The following WDR72 variants were observed in gnomAD, a reference collection of about 807,000 sequenced individuals.
WDR72 encodes WD repeat-containing protein 72.
In WDR72, 120 loss-of-function variants were observed where a neutral mutation model predicts 124.2. The observed-to-expected ratio is 0.97, with a 90% CI of 0.83 to 1.12. The LOEUF (loss-of-function observed/expected upper bound fraction) is 1.12. Among genes scored for constraint, WDR72 ranks in the 50% most tolerant of loss-of-function variants. WDR72 has a pLI of 0.00. For missense variants in WDR72, 1,387 were observed against 1,278.8 expected, an observed-to-expected ratio of 1.08 and a Z score of -1.29; for synonymous variants, 452 against 441.7, an observed-to-expected ratio of 1.02 and a Z score of -0.29.
intron 14 of WDR72, among the ~76,000 whole-genome samples, chr15:53,655,187 C>T (rs114175718): frequency 0.01 from 1,359 of 131,398 alleles, 32 homozygotes; most frequent in African/African-American, 0.038. Context: ...GCAAGGATCG[C>T]ACCACTTCAC....
At chr15:53,721,403 A>T (rs1247446114) in intron 3 of WDR72, among the ~76,000 whole-genome samples, 3 of 152,180 alleles carry the variant, frequency 2.0e-5, no homozygotes, top group Non-Finnish European at 4.4e-5. Context: ...CCCCAGAAAA[A>T]AATTCACCAT....
intron 3 of WDR72, among the ~76,000 whole-genome samples, chr15:53,721,751 T>G (rs910595276): frequency 2.0e-5 from 3 of 152,224 alleles, no homozygotes; most frequent in Non-Finnish European, 4.4e-5. Context: ...GAGGCTTATC[T>G]TGTTTCAACT....
upstream of WDR72, among the ~76,000 whole-genome samples, chr15:53,761,467 A>G (rs1393080964): frequency 6.6e-6 from 1 of 152,236 alleles, no homozygotes; most frequent in Non-Finnish European, 1.5e-5. Flanking sequence ...CCTCTGCTGG[A>G]TATATACACA....
chr15:53,609,717 C>T, intron 16 of WDR72, 125 bp from the exon 17 acceptor site: 1 of 769,126 alleles, frequency 1.3e-6, no homozygotes, highest in Non-Finnish European at 2.2e-6. Context: ...TGCCCAGGTT[C>T]AATCTTCCAG....
intron 6 of WDR72, among the ~76,000 whole-genome samples, chr15:53,713,418 A>ATTTTG (rs2017608647): frequency 8.4e-6 from 1 of 118,378 alleles, no homozygotes; most frequent in African/African-American, 3.2e-5. Flanking sequence ...GTTGTATTTT[A>ATTTTG]TTTTATTTTA....
At chr15:53,529,165 T>TATATATATATATATATATATATATACATA (rs1555404361) in intron 18 of WDR72, among the ~76,000 whole-genome samples, 14 of 89,042 alleles carry the variant, frequency 1.6e-4, no homozygotes, top group African/African-American at 6.4e-4. Context: ...TATATATATA[T>TATATATATATATATATATATATATACATA]TTTTTTTTTT....
intron 18 of WDR72, among the ~76,000 whole-genome samples, chr15:53,543,828 C>G (rs192609780): frequency 4.5e-4 from 68 of 152,288 alleles, no homozygotes; most frequent in African/African-American, 1.5e-3. Flanking sequence ...ACCGATCCCA[C>G]AGAAATACAA....
At chr15:53,529,180 TTA>T (rs1442582820) in intron 18 of WDR72, among the ~76,000 whole-genome samples, 17,797 of 133,068 alleles carry the variant, frequency 0.13, 1,303 homozygotes, top group East Asian at 0.23. Flanking sequence ...TTTTTTTTTT[TTA>T]AAAGAATATA....
chr15:53,703,160 T>C (rs2675335), intron 11 of WDR72, among the ~76,000 whole-genome samples: 147,155 of 152,244 alleles, frequency 0.97, 71,309 homozygotes, highest in East Asian at 1. Flanking sequence ...GGGATCCACT[T>C]GCCTCAGCCT....
chr15:53,652,750 A>G (rs191945448), intron 14 of WDR72, among the ~76,000 whole-genome samples: 158 of 152,316 alleles, frequency 1.0e-3, no homozygotes, highest in African/African-American at 3.8e-3. Flanking sequence ...TAAATGGGGT[A>G]ATAATATGCA....
intron 18 of WDR72, among the ~76,000 whole-genome samples, chr15:53,554,470 G>A (rs1893853909): frequency 6.6e-6 from 1 of 152,156 alleles, no homozygotes; most frequent in Admixed American, 6.6e-5. Context: ...TCAATTTGCT[G>A]TAACTGAATA....
chr15:53,668,675 G>T (rs760598186), intron 13 of WDR72, among the ~76,000 whole-genome samples: 1 of 152,012 alleles, frequency 6.6e-6, no homozygotes, highest in African/African-American at 2.4e-5. Context: ...AGGGCGAGAC[G>T]GGTGGATCAG....
intron 1 of WDR72, among the ~76,000 whole-genome samples, chr15:53,748,422 T>C (rs2018695284): frequency 6.6e-6 from 1 of 152,178 alleles, no homozygotes; most frequent in Admixed American, 6.5e-5. Flanking sequence ...TAAGTGTCCA[T>C]AAAATCATGA....
At chr15:53,638,419 A>T (rs1423536074) in intron 14 of WDR72, among the ~76,000 whole-genome samples, 3 of 152,178 alleles carry the variant, frequency 2.0e-5, no homozygotes, top group African/African-American at 7.2e-5. Flanking sequence ...CGACACAAGA[A>T]AGAACAATGA....
chr15:53,572,533 G>A (rs79463533), intron 18 of WDR72, among the ~76,000 whole-genome samples: 2,681 of 152,238 alleles, frequency 0.018, 68 homozygotes, highest in East Asian at 0.13. Flanking sequence ...GCAAAAGTTT[G>A]TTAGAACTGA....
chr15:53,757,073 G>A (rs1420458550), intron 1 of WDR72, among the ~76,000 whole-genome samples: 4 of 152,124 alleles, frequency 2.6e-5, no homozygotes, highest in Non-Finnish European at 2.9e-5. Flanking sequence ...GAAGATAAAC[G>A]TGACACATGT....
chr15:53,560,045 A>T (rs918916674), intron 18 of WDR72, among the ~76,000 whole-genome samples: 8 of 151,994 alleles, frequency 5.3e-5, no homozygotes, highest in African/African-American at 2.4e-5. Context: ...TGGCACATTT[A>T]TCACAACTCC....
rs1032486678 is a variant in WDR72 at position 53,639,442 on chromosome 15, G to A, written c.1963-23199C>T. Among the ~76,000 whole-genome samples, 14 of 123,732 alleles carry A rather than the reference G, an allele frequency of 1.1e-4. No individual in the cohort carries two copies. The Admixed American group carries it at 1.2e-3, about 10-fold the overall frequency. The allele number at this position is 123,732 out of a possible 152,430, so 81.2% of individuals were successfully genotyped here. A position where few individuals can be genotyped will look rare whatever the true frequency, so the allele number is the denominator to read the frequency against. ...AGCCTGGGCAACATAGCAAGACCTC[G>A]TCTCTACAGATAATTAAAAATTATA... On this transcript the variant is annotated intron_variant, in intron 14 of 19. Transcript: ENST00000360509.
intron 13 of WDR72, among the ~76,000 whole-genome samples, chr15:53,673,832 A>G (rs898322855): frequency 6.6e-6 from 1 of 152,124 alleles, no homozygotes; most frequent in Non-Finnish European, 1.5e-5. Flanking sequence ...TCTACTAAAA[A>G]TACAAAAAAT....
Sources: gnomAD v4.1 joint callset for allele counts (sites outside exome capture counted in the v4.1 genomes callset) on GRCh38, gnomAD v4.1.1 for gene constraint, MANE v1.5 for transcripts, NCBI Gene and HGNC (gene_info 2026-07-23, HGNC 2026-07-21) for gene names.